Variants in LRIG1 observed in about 807,000 individuals in gnomAD.
The protein encoded by LRIG1 is leucine-rich repeats and immunoglobulin-like domains protein 1.
In LRIG1, 48 loss-of-function variants were observed where a neutral mutation model predicts 99.2. That is an observed-to-expected ratio of 0.48 (90% CI 0.38 to 0.62). The LOEUF is 0.62. Ranked by LOEUF, LRIG1 falls within the 20% of genes least tolerant of loss-of-function variation. The pLI, the probability that LRIG1 is intolerant of heterozygous loss-of-function variation, is 0.00. For synonymous variants in LRIG1, 772 were observed against 596.1 expected (o/e 1.29, Z -4.30); for missense variants, 1,646 against 1,434.4 (o/e 1.15, Z -2.38).
chr3:66,460,939 A>C (rs1700341928), intron 2 of LRIG1, among the ~76,000 whole-genome samples: 1 of 152,252 alleles, frequency 6.6e-6, no homozygotes, highest in South Asian at 2.1e-4. Context: ...GAGGGTTTGG[A>C]ATGCAAGTAT....
intron 3 of LRIG1, among the ~76,000 whole-genome samples, chr3:66,442,028 C>T (rs9882524): frequency 0.063 from 9,552 of 152,164 alleles, 507 homozygotes; most frequent in African/African-American, 0.14. Context: ...TATATGCTGA[C>T]GGTCACTATT....
intron 1 of LRIG1, among the ~76,000 whole-genome samples, chr3:66,476,802 C>G (rs965557847): frequency 6.6e-6 from 1 of 152,204 alleles, no homozygotes; most frequent in African/African-American, 2.4e-5. Context: ...GGATTCTTCC[C>G]AACTACACTG....
chr3:66,424,039 C>T (rs1476223881), intron 3 of LRIG1, among the ~76,000 whole-genome samples: 1 of 152,206 alleles, frequency 6.6e-6, no homozygotes, highest in African/African-American at 2.4e-5. Context: ...TCTGGCTCCC[C>T]TCTCAGGAAC....
intron 1 of LRIG1, among the ~76,000 whole-genome samples, chr3:66,489,583 T>TTAAG (rs139426263): frequency 0.045 from 6,765 of 151,988 alleles, 516 homozygotes; most frequent in African/African-American, 0.15. Context: ...GAGAGAATGT[T>TTAAG]TAAGTATCCT....
chr3:66,492,142 A>C (rs1701115158), intron 1 of LRIG1, among the ~76,000 whole-genome samples: 1 of 152,224 alleles, frequency 6.6e-6, no homozygotes, highest in Non-Finnish European at 1.5e-5. Context: ...AAATGCTTTC[A>C]AACAAAAGAG....
chr3:66,480,685 T>C (rs1700829482), intron 1 of LRIG1, among the ~76,000 whole-genome samples: 1 of 152,310 alleles, frequency 6.6e-6, no homozygotes, highest in South Asian at 2.1e-4. Context: ...GCTCTGTCCA[T>C]GAGTCCATCA....
At chr3:66,383,666 T>C (rs1575643954) in intron 14 of LRIG1, among the ~76,000 whole-genome samples, 1 of 152,084 alleles carries the variant, frequency 6.6e-6, no homozygotes, top group Middle Eastern at 3.4e-3. Flanking sequence ...TGTGTCCTTA[T>C]TCTTGACCAA....
At chr3:66,436,744 G>A (rs1703373260) in intron 3 of LRIG1, among the ~76,000 whole-genome samples, 1 of 152,140 alleles carries the variant, frequency 6.6e-6, no homozygotes, top group South Asian at 2.1e-4. Flanking sequence ...CAGGGAAGCA[G>A]CACTCTCTAC....
In LRIG1 at chr3:66,383,068, C is replaced by T. The variant is rs1701175982; in HGVS notation, c.2405G>A (p.Ser802Asn). ...TVGIFTIAVV[S>N]SIVLTSLVWV... is the part of the protein sequence containing the mutation. ...GACCAGTGACGTCAGGACGATGCTG[C>T]TCACGACAGCAATGGTGAAGATGCC... The change falls in exon 15 of 19, where the codon AGC (serine) becomes AAC (asparagine). Residue 802 changes from serine to asparagine, a missense_variant. Ser to Asn is a conservative substitution (Grantham distance 46). Transcript: ENST00000273261. 1.9e-6 allele frequency: 3 copies of T among 1,614,212 alleles called. No homozygotes were observed. Among genetic ancestry groups the T allele is most frequent in the African/African-American group, 2.7e-5 (2 of 75,058 alleles).
At chr3:66,416,037 C>T (rs554619644) in intron 4 of LRIG1, among the ~76,000 whole-genome samples, 2 of 152,288 alleles carry the variant, frequency 1.3e-5, no homozygotes, top group East Asian at 3.9e-4. Flanking sequence ...ACTGTTTGTT[C>T]TCAACACCTC....
Position 66,383,420 on chromosome 3 carries a change from G to A in LRIG1, c.2072-19C>T, listed in dbSNP as rs1337964967. On this transcript the variant is annotated intron_variant, in intron 14 of 18. Coordinates refer to ENST00000273261, the MANE Select transcript of LRIG1 (RefSeq NM_015541.3). ...GGGGTCTCTACAAGAGAGCAACAGAGATCTTAGTCATTCTCAGGGCCTCCG... is the reference window on the plus strand; with the variant it reads ...GGGGTCTCTACAAGAGAGCAACAGAAATCTTAGTCATTCTCAGGGCCTCCG... 6.6e-7 allele frequency: 1 copy of A among 1,522,924 alleles called. No individual in the cohort carries two copies. The highest frequency in any genetic ancestry group is 2.1e-5 in the Admixed American group (1 of 48,518). 94.3% of individuals were successfully genotyped at this position (1,522,924 alleles called of 1,614,324 possible).
chr3:66,406,131 G>A, intron 8 of LRIG1: 1 of 985,542 alleles, frequency 1.0e-6, no homozygotes, highest in Non-Finnish European at 1.2e-6. Context: ...AGGAATCAAT[G>A]CTGCCAGCAG....
intron 2 of LRIG1, among the ~76,000 whole-genome samples, chr3:66,461,854 C>G (rs1476959263): frequency 3.9e-5 from 6 of 152,216 alleles, no homozygotes; most frequent in Admixed American, 3.9e-4. Context: ...GCTCCAAAGG[C>G]AGTCATACCT....
chr3:66,414,631 T>C (rs886143800), intron 5 of LRIG1, among the ~76,000 whole-genome samples: 19 of 152,092 alleles, frequency 1.2e-4, no homozygotes, highest in African/African-American at 4.3e-4. Flanking sequence ...CCATGCAGCC[T>C]CAGCATTAGC....
chr3:66,408,885 G>A lies in LRIG1; in HGVS notation c.935+1244C>T, dbSNP rs564299331. On this transcript the variant is annotated intron_variant, in intron 7 of 18. Coordinates refer to ENST00000273261, the MANE Select transcript of LRIG1 (RefSeq NM_015541.3). Reference sequence around the variant, plus strand: ...ACTGTGTTTTGCATTAGATAATGATGGAGTCACCAAAATATAAACTCCAAG... The same window carrying A: ...ACTGTGTTTTGCATTAGATAATGATAGAGTCACCAAAATATAAACTCCAAG... 5.8e-5 allele frequency among the ~76,000 whole-genome samples: 8 copies of A among 137,900 alleles called. No individual in the cohort carries two copies. The East Asian group carries it at 1.7e-3, about 29-fold the overall frequency. The allele number at this position is 137,900 out of a possible 152,430, so 90.5% of individuals were successfully genotyped here.
chr3:66,392,775 C>T (rs1011404476), intron 12 of LRIG1, among the ~76,000 whole-genome samples: 1 of 151,954 alleles, frequency 6.6e-6, no homozygotes, highest in Non-Finnish European at 1.5e-5. Flanking sequence ...GGGGAGGGAG[C>T]GATGGAAAGC....
Position 66,500,260 on chromosome 3 carries a change from C to T in LRIG1, c.148G>A (p.Asp50Asn), listed in dbSNP as rs1347902785. 2.0e-6 allele frequency: 3 copies of T among 1,503,710 alleles called. No individual in the cohort carries two copies. The highest frequency in any genetic ancestry group is 4.2e-5 in the Admixed American group (2 of 47,344). 93.1% of individuals were successfully genotyped at this position (1,503,710 alleles called of 1,614,324 possible). ...PCAAACTCAG[D>N]SLDCGGRGLA... ...CCGCGCCCACCGCAGTCCAGCGAGT[C>T]CCCAGCGCAAGTGCAGGCGGCCGCG... Residue 50 changes from aspartate (D) to asparagine (N), a missense_variant, in exon 1 of 19, where the codon GAC (aspartate) becomes AAC (asparagine). Physicochemically the swap from Asp to Asn is conservative, Grantham distance 23. Transcript: ENST00000273261.
At chr3:66,381,675 T>G (rs1329349011) in intron 16 of LRIG1, 44 bp from the exon 17 acceptor site, 2 of 1,596,908 alleles carry the variant, frequency 1.3e-6, no homozygotes, top group African/African-American at 2.7e-5. Flanking sequence ...GGGCTTGGTA[T>G]TTCACAGTAA....
chr3:66,493,389 CAAT>C (rs1209554924), intron 1 of LRIG1, among the ~76,000 whole-genome samples: 2 of 152,158 alleles, frequency 1.3e-5, no homozygotes, highest in African/African-American at 4.8e-5. Flanking sequence ...TAAAATACCT[CAAT>C]AATTTTTGCT....
Sources: gnomAD v4.1 joint callset for allele counts (sites outside exome capture counted in the v4.1 genomes callset) on GRCh38, gnomAD v4.1.1 for gene constraint, MANE v1.5 for transcripts, NCBI Gene and HGNC (gene_info 2026-07-23, HGNC 2026-07-21) for gene names.